The following OSBPL8 variants were observed in gnomAD, a reference collection of about 807,000 sequenced individuals.
The protein encoded by OSBPL8 is oxysterol binding protein like 8.
In OSBPL8, 59 loss-of-function variants were observed where a neutral mutation model predicts 125.5. The observed-to-expected ratio is 0.47, with a 90% CI of 0.38 to 0.58. OSBPL8 has a LOEUF of 0.58. OSBPL8 is among the 20% of genes least tolerant of loss of function. The probability of loss-of-function intolerance (pLI) is 0.00; values close to 1 mark genes in which losing one functional copy is unlikely to be tolerated. For missense variants in OSBPL8, 758 were observed against 1,047.8 expected (o/e 0.72, Z 3.82); for synonymous variants, 330 against 338.9 (o/e 0.97, Z 0.29).
At chr12:76,390,338 C>T (rs1953504654) in intron 11 of OSBPL8, 82 bp downstream of exon 11, 1 of 1,040,656 alleles carries the variant, frequency 9.6e-7, no homozygotes, top group South Asian at 1.5e-5. Flanking sequence ...GGCAATAGAT[C>T]AAGCAAATAA....
intron 2 of OSBPL8, among the ~76,000 whole-genome samples, chr12:76,475,866 A>G (rs1032797473): frequency 1.3e-5 from 2 of 152,224 alleles, no homozygotes; most frequent in Admixed American, 1.3e-4. Flanking sequence ...ATTTAATTCC[A>G]AACAGAGGCA....
At chr12:76,371,073 T>G (rs536767385) in intron 19 of OSBPL8, 1 of 155,648 alleles carries the variant, frequency 6.4e-6, no homozygotes, top group African/African-American at 2.4e-5. Context: ...CAGAAGTAGA[T>G]TCTGCACCAC....
intron 1 of OSBPL8, among the ~76,000 whole-genome samples, chr12:76,553,790 A>T (rs1951013809): frequency 6.6e-6 from 1 of 151,986 alleles, no homozygotes; most frequent in Non-Finnish European, 1.5e-5. Context: ...AGCCTGGCCA[A>T]TATGGTGAAA....
At chr12:76,558,325 CT>C (rs1951171258) in intron 1 of OSBPL8, among the ~76,000 whole-genome samples, 1 of 152,116 alleles carries the variant, frequency 6.6e-6, no homozygotes, top group African/African-American at 2.4e-5. Context: ...TTAGATGAAA[CT>C]CTAGGAAATT....
At chr12:76,402,551 G>A in intron 6 of OSBPL8, 138 bp downstream of exon 6, 3 of 664,168 alleles carry the variant, frequency 4.5e-6, no homozygotes, top group Non-Finnish European at 5.3e-6. Context: ...CATTTTCTAT[G>A]TGTGCCTGCC....
At chr12:76,466,251 A>G (rs946340112) in intron 2 of OSBPL8, among the ~76,000 whole-genome samples, 26 of 152,190 alleles carry the variant, frequency 1.7e-4, no homozygotes, top group African/African-American at 6.3e-4. Context: ...TTTTATAGTC[A>G]AAAAAGAACT....
intron 4 of OSBPL8, among the ~76,000 whole-genome samples, chr12:76,441,499 C>T (rs1872176448): frequency 6.6e-6 from 1 of 151,976 alleles, no homozygotes; most frequent in Non-Finnish European, 1.5e-5. Context: ...GTAAGAAAAA[C>T]AAAATTGTAG....
At chr12:76,409,720 G>C (rs73137019) in intron 5 of OSBPL8, among the ~76,000 whole-genome samples, 105 of 152,246 alleles carry the variant, frequency 6.9e-4, no homozygotes, top group South Asian at 2.1e-3. Context: ...TACATAAAAA[G>C]TGGGAATAAT....
chr12:76,365,761 GTCTCT>G (rs1952391290), intron 21 of OSBPL8, among the ~76,000 whole-genome samples: 1 of 152,132 alleles, frequency 6.6e-6, no homozygotes, highest in Non-Finnish European at 1.5e-5. Flanking sequence ...TGTTGAGGAA[GTCTCT>G]TCTCTTCCTA....
At chr12:76,537,428 A>T (rs1950528198) in intron 1 of OSBPL8, among the ~76,000 whole-genome samples, 1 of 152,208 alleles carries the variant, frequency 6.6e-6, no homozygotes, top group African/African-American at 2.4e-5. Context: ...AACTAACTTA[A>T]ATCTTAAGAT....
In OSBPL8 at chr12:76,450,859, T is replaced by G. The variant is rs1381539543; in HGVS notation, c.209A>C (p.His70Pro). The change falls in exon 4 of 24, where the codon CAT becomes CCT. Residue 70 changes from histidine to proline, a missense_variant. Around this residue, in one of 3 missense-constraint regions of OSBPL8, gnomAD observed 117 missense variants for 137.1 expected, o/e 0.85. Coordinates refer to ENST00000261183, the MANE Select transcript of OSBPL8 (RefSeq NM_020841.5). ...HQPSLSPASPHSQGFERGKED... is the reference protein window; with the variant it reads ...HQPSLSPASPPSQGFERGKED... ...AAACCACAACTTCCTACCCTGGCTATGAGGACTTGCTGGACTAAGAGATGG... is the reference window on the plus strand; with the variant it reads ...AAACCACAACTTCCTACCCTGGCTAGGAGGACTTGCTGGACTAAGAGATGG... 1.2e-6 allele frequency: 2 copies of G among 1,609,922 alleles called. 1 individual carries two copies. Among genetic ancestry groups the G allele is most frequent in the Admixed American group, 3.4e-5 (2 of 59,462 alleles).
rs1951880292 is a variant in OSBPL8, at chr12:76,353,185, CAA to C, written c.*2702_*2703del. ...AATGCGGTTACCAACTGAGCTGTGACAAAGAGTACACTGTACCTTTATAAGTG... is the reference window on the plus strand; with the variant it reads ...AATGCGGTTACCAACTGAGCTGTGACAGAGTACACTGTACCTTTATAAGTG... On this transcript the variant is annotated 3_prime_UTR_variant, in exon 24 of 24. Transcript: ENST00000261183. 2 of 152,120 alleles carry C rather than the reference CAA, an allele frequency of 1.3e-5. No homozygotes were observed. Among genetic ancestry groups the C allele is most frequent in the Non-Finnish European group, 2.9e-5 (2 of 67,822 alleles). The allele number at this position is 152,120 out of a possible 1,614,324, so 9.4% of individuals were successfully genotyped here.
intron 2 of OSBPL8, among the ~76,000 whole-genome samples, chr12:76,461,694 C>T (rs1874759219): frequency 6.6e-6 from 1 of 152,124 alleles, no homozygotes; most frequent in Admixed American, 6.5e-5. Flanking sequence ...ACCTCAGCCT[C>T]CCAAAGTGCT....
intron 8 of OSBPL8, among the ~76,000 whole-genome samples, chr12:76,396,319 AC>A (rs1194777578): frequency 2.0e-5 from 3 of 151,910 alleles, no homozygotes; most frequent in African/African-American, 7.3e-5. Context: ...ATTAAGCAAT[AC>A]CCTCCCCGCC....
chr12:76,485,182 C>G (rs1877996542), intron 2 of OSBPL8, among the ~76,000 whole-genome samples: 1 of 152,070 alleles, frequency 6.6e-6, no homozygotes, highest in Admixed American at 6.5e-5. Flanking sequence ...CTCAGCCTCC[C>G]AAAGTGCTGG....
At chr12:76,438,910 T>A (rs758011958) in intron 4 of OSBPL8, among the ~76,000 whole-genome samples, 14 of 152,228 alleles carry the variant, frequency 9.2e-5, no homozygotes, top group Non-Finnish European at 1.3e-4. Context: ...AAATGTCTTA[T>A]AATTTTTTTC....
At chr12:76,465,484 C>A (rs181719093) in intron 2 of OSBPL8, among the ~76,000 whole-genome samples, 1 of 151,920 alleles carries the variant, frequency 6.6e-6, no homozygotes, top group African/African-American at 2.4e-5. Flanking sequence ...GGCATGAACC[C>A]GGGAGGCGGA....
At chr12:76,519,874 C>T (rs542357329) in intron 1 of OSBPL8, among the ~76,000 whole-genome samples, 29 of 152,264 alleles carry the variant, frequency 1.9e-4, no homozygotes, top group African/African-American at 6.5e-4. Flanking sequence ...AGGAATCTGC[C>T]CCCGTGATCC....
chr12:76,503,599 C>T (rs1022627516), intron 1 of OSBPL8, among the ~76,000 whole-genome samples: 2 of 152,146 alleles, frequency 1.3e-5, no homozygotes, highest in Non-Finnish European at 2.9e-5. Flanking sequence ...AGTGCAGTGG[C>T]GCGATCTCGG....
Sources: gnomAD v4.1 joint callset for allele counts (sites outside exome capture counted in the v4.1 genomes callset) on GRCh38, gnomAD v4.1.1 for gene constraint, gnomAD v4.1.1 regional missense constraint, MANE v1.5 for transcripts, NCBI Gene and HGNC (gene_info 2026-07-23, HGNC 2026-07-21) for gene names.